Variants in CNTN1 observed in about 807,000 individuals in gnomAD.
CNTN1 encodes contactin-1.
CNTN1 carries 38 observed loss-of-function variants against 126.4 expected under a neutral mutation model. The ratio of observed to expected loss-of-function variants is 0.30; its 90% CI spans 0.23 to 0.39. The LOEUF is 0.39. Ranked by LOEUF, CNTN1 falls within the 10% of genes least tolerant of loss-of-function variation. CNTN1 has a pLI of 1.00. For synonymous variants in CNTN1, 413 were observed against 422.6 expected (o/e 0.98, Z 0.28); for missense variants, 1,009 against 1,248.4 (o/e 0.81, Z 2.89).
chr12:41,025,421 T>G, intron 21 of CNTN1, 85 bp downstream of exon 21: 432 of 1,187,734 alleles, frequency 3.6e-4, no homozygotes, highest in Non-Finnish European at 5.1e-4. Context: ...GGAAATTTCC[T>G]ACCTAGCTAC....
chr12:40,753,565 C>T (rs115661677), intron 1 of CNTN1, among the ~76,000 whole-genome samples: 1 of 151,994 alleles, frequency 6.6e-6, no homozygotes, highest in Non-Finnish European at 1.5e-5. Context: ...GGGGAAAAGC[C>T]CCTTATAAAA....
chr12:40,969,108 C>T (rs772650461), intron 15 of CNTN1, among the ~76,000 whole-genome samples: 5 of 152,066 alleles, frequency 3.3e-5, no homozygotes, highest in Non-Finnish European at 7.4e-5. Flanking sequence ...AAAAACTTAA[C>T]GACGTAAAAT....
At chr12:41,055,688 C>A (rs551567827) in intron 23 of CNTN1, among the ~76,000 whole-genome samples, 5 of 152,084 alleles carry the variant, frequency 3.3e-5, no homozygotes, top group African/African-American at 1.2e-4. Flanking sequence ...AACTGAGAAG[C>A]AATCCTAAAG....
intron 23 of CNTN1, among the ~76,000 whole-genome samples, chr12:41,036,026 G>A (rs892267254): frequency 1.3e-5 from 2 of 152,072 alleles, no homozygotes; most frequent in African/African-American, 2.4e-5. Flanking sequence ...CAAGAGGGGA[G>A]GGAGTTGATA....
At chr12:40,728,424 A>C (rs541945971) in intron 1 of CNTN1, among the ~76,000 whole-genome samples, 1 of 152,282 alleles carries the variant, frequency 6.6e-6, no homozygotes, top group African/African-American at 2.4e-5. Context: ...GACCTAAAAA[A>C]AGGCAACTAG....
At position 40,823,755 on chromosome 12, in the gene CNTN1, C is replaced by A. The variant is rs950615132; in HGVS notation, c.-76-84602C>A. Among the ~76,000 whole-genome samples, 3 of 152,188 alleles carry A rather than the reference C, an allele frequency of 2.0e-5. No homozygotes were observed. In the South Asian group the frequency reaches 6.2e-4, roughly 32 times the overall value. ...TAAGCAGTTCTGGACACTAACAAAC[C>A]AATGTATTCAACTACAGACTCATTA... On this transcript the variant is annotated intron_variant, in intron 1 of 23. Coordinates refer to ENST00000551295, the MANE Select transcript of CNTN1 (RefSeq NM_001843.4).
intron 17 of CNTN1, among the ~76,000 whole-genome samples, chr12:41,001,204 C>G (rs1163085672): frequency 6.6e-6 from 1 of 152,044 alleles, no homozygotes; most frequent in Non-Finnish European, 1.5e-5. Context: ...CAGGAACTGA[C>G]ACACTGTCTT....
chr12:41,029,060 A>C lies in CNTN1; in HGVS notation c.2824-3A>C, dbSNP rs1268647992. On this transcript the variant is annotated splice_polypyrimidine_tract_variant and splice_region_variant and intron_variant, in intron 22 of 23. Coordinates refer to ENST00000551295, the MANE Select transcript of CNTN1 (RefSeq NM_001843.4). ...GCATATTTACATTTCTGTACTTTAT[A>C]AGGTACTCTACAGACCTGATGGCCA... The C allele has an allele frequency of 1.2e-6, 2 of 1,613,646 alleles. No individual in the cohort carries two copies. Among genetic ancestry groups the C allele is most frequent in the East Asian group, 4.5e-5 (2 of 44,876 alleles).
intron 1 of CNTN1, among the ~76,000 whole-genome samples, chr12:40,862,525 G>A (rs1025254148): frequency 2.0e-5 from 3 of 151,996 alleles, no homozygotes; most frequent in Non-Finnish European, 2.9e-5. Context: ...CAGGTTACTC[G>A]GTGGCTTTAC....
chr12:41,022,140 A>C (rs371424158), intron 20 of CNTN1, among the ~76,000 whole-genome samples: 116 of 152,298 alleles, frequency 7.6e-4, no homozygotes, highest in Middle Eastern at 3.4e-3. Context: ...CAAGAAGAAG[A>C]CAAAAGAAAT....
At chr12:40,703,544 A>G (rs780697726) in intron 1 of CNTN1, among the ~76,000 whole-genome samples, 2 of 152,198 alleles carry the variant, frequency 1.3e-5, no homozygotes, top group Non-Finnish European at 2.9e-5. Flanking sequence ...TAAGTTTGCT[A>G]TATCGCTCTC....
chr12:41,063,892 A>G (rs1949993857), intron 23 of CNTN1, among the ~76,000 whole-genome samples: 1 of 151,996 alleles, frequency 6.6e-6, no homozygotes, highest in Non-Finnish European at 1.5e-5. Flanking sequence ...ATGTGAGGCA[A>G]CAGGCCGGGC....
At chr12:40,753,935 T>C (rs1289805961) in intron 1 of CNTN1, among the ~76,000 whole-genome samples, 2 of 152,064 alleles carry the variant, frequency 1.3e-5, no homozygotes, top group African/African-American at 4.8e-5. Context: ...TTAATTCATC[T>C]CCTATTGTTG....
intron 1 of CNTN1, among the ~76,000 whole-genome samples, chr12:40,845,488 G>A (rs936604690): frequency 6.6e-6 from 1 of 152,074 alleles, no homozygotes; most frequent in Non-Finnish European, 1.5e-5. Flanking sequence ...AGAGTACCAA[G>A]TAAAAGAAGA....
At chr12:41,044,523 A>C (rs988974080) in intron 23 of CNTN1, among the ~76,000 whole-genome samples, 2 of 152,114 alleles carry the variant, frequency 1.3e-5, no homozygotes, top group African/African-American at 4.8e-5. Flanking sequence ...GTTTTGTTTT[A>C]TATTTTAGAT....
chr12:40,972,778 A>T (rs1437419592), intron 15 of CNTN1: 1 of 364,766 alleles, frequency 2.7e-6, no homozygotes, highest in East Asian at 1.7e-4. Flanking sequence ...TGTAAACAGC[A>T]CCATGGAGAC....
chr12:40,988,235 A>G (rs1948013484), intron 16 of CNTN1, among the ~76,000 whole-genome samples: 1 of 152,138 alleles, frequency 6.6e-6, no homozygotes. Flanking sequence ...TCCAGTCTCA[A>G]ACAGACACCT....
chr12:40,794,858 G>C (rs1940352728), intron 1 of CNTN1, among the ~76,000 whole-genome samples: 2 of 152,008 alleles, frequency 1.3e-5, no homozygotes, highest in Admixed American at 6.6e-5. Flanking sequence ...AATCATGGAG[G>C]CCATTGCACA....
chr12:40,715,005 A>G (rs531441628), intron 1 of CNTN1, among the ~76,000 whole-genome samples: 3 of 152,288 alleles, frequency 2.0e-5, no homozygotes, highest in South Asian at 4.1e-4. Flanking sequence ...ATTTTTGTAG[A>G]AAAATTAAAA....
Sources: gnomAD v4.1 joint callset for allele counts (sites outside exome capture counted in the v4.1 genomes callset) on GRCh38, gnomAD v4.1.1 for gene constraint, MANE v1.5 for transcripts, NCBI Gene and HGNC (gene_info 2026-07-23, HGNC 2026-07-21) for gene names.